SMAD2: variants seen among roughly 807,000 people sequenced by gnomAD.
The protein encoded by SMAD2 is SMAD family member 2.
SMAD2 carries 8 observed loss-of-function variants against 64.4 expected under a neutral mutation model. That is an observed-to-expected ratio of 0.12 (90% CI 0.07 to 0.22). SMAD2 has a LOEUF of 0.22. Among genes scored for constraint, SMAD2 ranks in the 10% least tolerant of loss-of-function variants. The probability of loss-of-function intolerance (pLI) is 1.00; values close to 1 mark genes in which losing one functional copy is unlikely to be tolerated. For synonymous variants in SMAD2, 203 were observed against 195.8 expected, an observed-to-expected ratio of 1.04 and a Z score of -0.31; for missense variants, 289 against 561.2, an observed-to-expected ratio of 0.51 and a Z score of 4.90.
chr18:47,865,151 A>T lies in SMAD2; in HGVS notation c.656-18T>A. ...TGGCGTTTCTACAAAAGTTTAAAAC[A>T]AATCAAGCACAGCTGCAACATAATC... On this transcript the variant is annotated intron_variant, in intron 5 of 10. Coordinates refer to ENST00000262160, the MANE Select transcript of SMAD2 (RefSeq NM_005901.6). 3 of 1,475,090 alleles carry T rather than the reference A, an allele frequency of 2.0e-6. No individual in the cohort carries two copies. The East Asian group carries it at 6.8e-5, about 33-fold the overall frequency. The allele number at this position is 1,475,090 out of a possible 1,614,324, so 91.4% of individuals were successfully genotyped here. A position where few individuals can be genotyped will look rare whatever the true frequency, so the allele number is the denominator to read the frequency against.
In SMAD2 at chr18:47,850,323, T is replaced by A. The variant is rs1191202087; in HGVS notation, c.784+951A>T. ...ATATATTATGTATGTTATATACATA[T>A]TATGTATAATATATGTTATATATAT... On this transcript the variant is annotated intron_variant, in intron 7 of 10. Transcript: ENST00000262160. Among the ~76,000 whole-genome samples the A allele has an allele frequency of 1.5e-4, 6 of 40,748 alleles. 1 individual carries two copies. The highest frequency in any genetic ancestry group is 7.5e-4 in the South Asian group (1 of 1,334). 26.7% of individuals were successfully genotyped at this position (40,748 alleles called of 152,430 possible). A position where few individuals can be genotyped will look rare whatever the true frequency, so the allele number is the denominator to read the frequency against.
At chr18:47,927,157 G>A (rs1012201808) in intron 1 of SMAD2, among the ~76,000 whole-genome samples, 1 of 152,268 alleles carries the variant, frequency 6.6e-6, no homozygotes, top group Middle Eastern at 3.4e-3. Flanking sequence ...AGGGCAATAA[G>A]TGATCAAATT....
At chr18:47,878,093 T>C (rs1364686145) in intron 2 of SMAD2, among the ~76,000 whole-genome samples, 1 of 152,146 alleles carries the variant, frequency 6.6e-6, no homozygotes, top group Non-Finnish European at 1.5e-5. Flanking sequence ...CAGGGTTTCA[T>C]TCTAAGTTTC....
intron 6 of SMAD2, among the ~76,000 whole-genome samples, chr18:47,858,660 A>C (rs1054805820): frequency 6.6e-6 from 1 of 152,192 alleles, no homozygotes. Context: ...AGAGTGGTGT[A>C]AAGTTCTTAA....
At chr18:47,845,545 A>G in intron 9 of SMAD2, 61 bp from the exon 10 acceptor site, 2 of 1,586,640 alleles carry the variant, frequency 1.3e-6, no homozygotes, top group Non-Finnish European at 1.7e-6. Context: ...AAGTAATTTT[A>G]AAAGGGTTAC....
chr18:47,867,098 G>A (rs2031618310), intron 5 of SMAD2: 1 of 151,952 alleles, frequency 6.6e-6, no homozygotes, highest in African/African-American at 2.4e-5. Flanking sequence ...TTTCTACCTA[G>A]CAATTGCCCT....
In SMAD2 at chr18:47,838,778, C is replaced by T. The variant is rs1206163701; in HGVS notation, c.*3049G>A. On this transcript the variant is annotated 3_prime_UTR_variant, in exon 11 of 11. Coordinates refer to ENST00000262160, the MANE Select transcript of SMAD2 (RefSeq NM_005901.6). Reference sequence around the variant, plus strand: ...AGTCAGTGAGAACTCCAACAGCCTCCCCTAAGCCAGCCCCCAAGGTGTCTC... The same window carrying T: ...AGTCAGTGAGAACTCCAACAGCCTCTCCTAAGCCAGCCCCCAAGGTGTCTC... 1 of 232,504 alleles carries T rather than the reference C, an allele frequency of 4.3e-6. No individual in the cohort carries two copies. The allele number at this position is 232,504 out of a possible 1,614,324, so 14.4% of individuals were successfully genotyped here.
chr18:47,923,394 CACA>C (rs1399266112), intron 1 of SMAD2, among the ~76,000 whole-genome samples: 1 of 152,212 alleles, frequency 6.6e-6, no homozygotes, highest in African/African-American at 2.4e-5. Flanking sequence ...TGCCACCCAA[CACA>C]ACTTTATACA....
At chr18:47,875,371 T>C (rs767740142) in intron 2 of SMAD2, among the ~76,000 whole-genome samples, 7 of 152,112 alleles carry the variant, frequency 4.6e-5, no homozygotes, top group African/African-American at 1.2e-4. Flanking sequence ...AACAACATAT[T>C]TGGTGACCCA....
At chr18:47,876,259 T>C (rs890105354) in intron 2 of SMAD2, among the ~76,000 whole-genome samples, 2 of 152,020 alleles carry the variant, frequency 1.3e-5, no homozygotes, top group South Asian at 2.1e-4. Flanking sequence ...TATTGAAAAA[T>C]ATCAGCAAAA....
In SMAD2 at chr18:47,919,707, T is replaced by C. The variant is rs544591823; in HGVS notation, c.-54+10654A>G. On this transcript the variant is annotated intron_variant, in intron 1 of 10. Coordinates refer to ENST00000262160, the MANE Select transcript of SMAD2 (RefSeq NM_005901.6). The stretch of plus-strand genomic sequence containing the variant: ...CCAAAGTGAACACTGTAGAAGTCAA[T>C]GGAAGCATAACCTTCACTGATTAGA... 4.2e-3 allele frequency among the ~76,000 whole-genome samples: 638 copies of C among 152,200 alleles called. 6 individuals carry two copies. The highest frequency in any genetic ancestry group is 6.1e-3 in the Admixed American group (93 of 15,286).
At chr18:47,851,851 A>G (rs944177228) in intron 6 of SMAD2, among the ~76,000 whole-genome samples, 3 of 152,218 alleles carry the variant, frequency 2.0e-5, no homozygotes, top group Non-Finnish European at 2.9e-5. Context: ...TGCAATAACT[A>G]ATCTTGACCG....
chr18:47,888,433 C>T (rs188314418), intron 2 of SMAD2, among the ~76,000 whole-genome samples: 3 of 152,152 alleles, frequency 2.0e-5, no homozygotes, highest in East Asian at 3.8e-4. Flanking sequence ...CCCCTCAAGA[C>T]GCTTATCAGA....
At chr18:47,846,449 TTC>T (rs1427435589) in intron 8 of SMAD2, among the ~76,000 whole-genome samples, 5 of 152,126 alleles carry the variant, frequency 3.3e-5, no homozygotes. Flanking sequence ...TGCACATACA[TTC>T]TCTGTTAATC....
chr18:47,920,749 T>C (rs966754349), intron 1 of SMAD2, among the ~76,000 whole-genome samples: 4 of 152,250 alleles, frequency 2.6e-5, no homozygotes, highest in African/African-American at 9.6e-5. Flanking sequence ...TAGAAATCTA[T>C]CTTACAGACA....
chr18:47,909,700 G>A (rs901744479), intron 1 of SMAD2, among the ~76,000 whole-genome samples: 1 of 152,134 alleles, frequency 6.6e-6, no homozygotes, highest in Non-Finnish European at 1.5e-5. Flanking sequence ...AAAAAGGCCA[G>A]GGCAACCAGA....
intron 6 of SMAD2, among the ~76,000 whole-genome samples, chr18:47,861,578 T>TA (rs1420823947): frequency 6.6e-6 from 1 of 152,222 alleles, no homozygotes; most frequent in East Asian, 1.9e-4. Flanking sequence ...AGACATGCTA[T>TA]ACATCTACAT....
intron 1 of SMAD2, among the ~76,000 whole-genome samples, chr18:47,929,865 C>A (rs924913616): frequency 6.6e-6 from 1 of 152,138 alleles, no homozygotes; most frequent in Non-Finnish European, 1.5e-5. Context: ...AGGCTCCACC[C>A]GCAGAACAAC....
At chr18:47,921,720 C>A (rs1193537254) in intron 1 of SMAD2, among the ~76,000 whole-genome samples, 2 of 152,208 alleles carry the variant, frequency 1.3e-5, no homozygotes, top group Admixed American at 6.5e-5. Flanking sequence ...TCAGCCCCAA[C>A]TACTGAATCT....
Sources: gnomAD v4.1 joint callset for allele counts (sites outside exome capture counted in the v4.1 genomes callset) on GRCh38, gnomAD v4.1.1 for gene constraint, MANE v1.5 for transcripts, NCBI Gene and HGNC (gene_info 2026-07-23, HGNC 2026-07-21) for gene names.